The following SV2C variants were observed in gnomAD, a reference collection of about 807,000 sequenced individuals.
SV2C encodes the protein solute carrier family 22 member B3.
Under a neutral mutation model 79.7 loss-of-function variants are expected in SV2C, and 49 were observed. That is an observed-to-expected ratio of 0.61 (90% CI 0.49 to 0.78). The LOEUF (loss-of-function observed/expected upper bound fraction) is 0.78, where lower values mean the gene tolerates loss of function less well. Ranked by LOEUF, SV2C falls within the 30% of genes least tolerant of loss-of-function variation. SV2C has a pLI of 0.00. For missense variants in SV2C, 833 were observed against 912.9 expected (o/e 0.91, Z 1.13); for synonymous variants, 334 against 333.2 (o/e 1.00, Z -0.03).
intron 4 of SV2C, among the ~76,000 whole-genome samples, chr5:76,214,503 A>AGGT (rs1744859626): frequency 6.6e-6 from 1 of 152,114 alleles, no homozygotes; most frequent in African/African-American, 2.4e-5. Flanking sequence ...TACTTTAGCT[A>AGGT]CTCAGGGTCT....
At chr5:75,915,395 G>C in the SV2C span, among the ~76,000 whole-genome samples, 15 of 152,318 alleles carry the variant, frequency 9.8e-5, no homozygotes, top group African/African-American at 3.6e-4. Flanking sequence ...AAGTAAGTAG[G>C]ATTCCTTAAA....
chr5:76,242,168 C>T, intron 4 of SV2C: 1 of 1,141,710 alleles, frequency 8.8e-7, no homozygotes, highest in Non-Finnish European at 1.3e-6. Context: ...TTGCAGGGGC[C>T]TTTTAGGCGT....
chr5:76,040,478 C>T, the SV2C span, among the ~76,000 whole-genome samples: 1 of 152,146 alleles, frequency 6.6e-6, no homozygotes, highest in Non-Finnish European at 1.5e-5. Context: ...TGCAAAAATG[C>T]CCTTCATGTG....
the SV2C span, among the ~76,000 whole-genome samples, chr5:75,896,207 T>G: frequency 1.8e-5 from 2 of 111,894 alleles, no homozygotes; most frequent in East Asian, 6.2e-4. Context: ...ATGCTATCCC[T>G]CCCCCCGCCC....
chr5:75,859,468 A>G, the SV2C span, among the ~76,000 whole-genome samples: 1 of 152,206 alleles, frequency 6.6e-6, no homozygotes, highest in East Asian at 1.9e-4. Context: ...CAAGAGAAAG[A>G]AATAAATAGA....
In SV2C at chr5:76,344,484, G is replaced by A. The variant is rs574947501; in HGVS notation, c.2001-8646G>A. ...AACACTTTGGGAGGCCAAGGCGGGC[G>A]GATCACCGGAGGTCAGGAGTTTGAG... On this transcript the variant is annotated intron_variant, in intron 12 of 12. Coordinates refer to the SV2C transcript ENST00000322285. Among the ~76,000 whole-genome samples, 57 of 152,282 alleles carry A rather than the reference G, an allele frequency of 3.7e-4. No homozygotes were observed. In the East Asian group the frequency reaches 9.9e-3, roughly 26 times the overall value.
At position 76,198,130 on chromosome 5, in the gene SV2C, A is replaced by C. The variant is rs140097732; in HGVS notation, c.761+3031A>C. 2.2e-3 allele frequency among the ~76,000 whole-genome samples: 330 copies of C among 152,290 alleles called. 1 individual carries two copies. The highest frequency in any genetic ancestry group is 3.7e-3 in the Non-Finnish European group (253 of 68,030). On this transcript the variant is annotated intron_variant, in intron 3 of 12. Coordinates refer to ENST00000502798, the MANE Select transcript of SV2C (RefSeq NM_014979.4). ...TTCTCCACTCAGTTTACCAATTTGC[A>C]TGCCCATCTCCTCCAGAAACACCCT...
chr5:76,277,271 G>A (rs1747050635), intron 4 of SV2C, among the ~76,000 whole-genome samples: 1 of 152,114 alleles, frequency 6.6e-6, no homozygotes, highest in Admixed American at 6.5e-5. Flanking sequence ...GGAAATTTTG[G>A]GGGCACACAG....
chr5:75,938,088 G>T, the SV2C span, among the ~76,000 whole-genome samples: 1 of 152,114 alleles, frequency 6.6e-6, no homozygotes, highest in Non-Finnish European at 1.5e-5. Flanking sequence ...GACATGATTG[G>T]TCTCTGACCA....
At chr5:76,143,786 C>T (rs764760715) in intron 2 of SV2C, among the ~76,000 whole-genome samples, 6 of 152,102 alleles carry the variant, frequency 3.9e-5, no homozygotes, top group Non-Finnish European at 8.8e-5. Flanking sequence ...CTGATCTTGA[C>T]AATGGTCTTG....
chr5:76,006,237 C>T, the SV2C span, among the ~76,000 whole-genome samples: 3 of 152,150 alleles, frequency 2.0e-5, no homozygotes, highest in African/African-American at 7.2e-5. Context: ...GTGCCAGCTT[C>T]ATGGACATGT....
chr5:75,851,905 C>T, the SV2C span, among the ~76,000 whole-genome samples: 1 of 152,178 alleles, frequency 6.6e-6, no homozygotes, highest in Non-Finnish European at 1.5e-5. Context: ...CTTCATGATC[C>T]ATCCTCCTTG....
intron 4 of SV2C, among the ~76,000 whole-genome samples, chr5:76,284,744 T>G (rs1214791768): frequency 6.6e-6 from 1 of 152,146 alleles, no homozygotes; most frequent in Non-Finnish European, 1.5e-5. Flanking sequence ...CAAACTTAGC[T>G]ACAAGCCAGT....
chr5:76,208,829 A>G (rs1744686326), intron 3 of SV2C, among the ~76,000 whole-genome samples: 1 of 152,234 alleles, frequency 6.6e-6, no homozygotes, highest in Admixed American at 6.5e-5. Flanking sequence ...TTGGAGTGAT[A>G]GTAATATTTT....
intron 1 of SV2C, among the ~76,000 whole-genome samples, chr5:76,086,640 A>G (rs956948990): frequency 6.5e-5 from 2 of 30,792 alleles, no homozygotes; most frequent in Non-Finnish European, 1.0e-4. Flanking sequence ...AGCCCCTGGC[A>G]TATATAGTTT....
chr5:75,888,483 A>G, the SV2C span, among the ~76,000 whole-genome samples: 1 of 151,978 alleles, frequency 6.6e-6, no homozygotes, highest in South Asian at 2.1e-4. Flanking sequence ...TCACTTCCCC[A>G]AATACACACA....
the SV2C span, among the ~76,000 whole-genome samples, chr5:75,901,708 A>G: frequency 6.6e-6 from 1 of 152,250 alleles, no homozygotes; most frequent in South Asian, 2.1e-4. Context: ...CTACAGAGGC[A>G]GGCAGGCCTC....
chr5:76,171,744 G>A (rs1402294690), intron 2 of SV2C, among the ~76,000 whole-genome samples: 12 of 127,538 alleles, frequency 9.4e-5, no homozygotes, highest in South Asian at 5.4e-4. Flanking sequence ...CAGCCGTGCC[G>A]TCCGGGAGGG....
chr5:75,976,293 TTCTCTCTCTC>T, the SV2C span, among the ~76,000 whole-genome samples: 1 of 151,494 alleles, frequency 6.6e-6, no homozygotes, highest in Non-Finnish European at 1.5e-5. Context: ...CTCTCTCTCT[TTCTCTCTCTC>T]TCTGGAGCAG....
Sources: allele counts gnomAD v4.1 joint callset (sites outside exome capture counted in the v4.1 genomes callset), GRCh38; gene constraint gnomAD v4.1.1; transcripts MANE v1.5; gene names NCBI Gene and HGNC (gene_info 2026-07-23, HGNC 2026-07-21).